Variants in CSMD1 observed in about 807,000 individuals in gnomAD.
CSMD1 encodes CUB and sushi domain-containing protein 1.
Under a neutral mutation model 417.5 loss-of-function variants are expected in CSMD1, and 213 were observed. The observed-to-expected ratio is 0.51, with a 90% CI of 0.46 to 0.57. CSMD1 has a LOEUF of 0.57. Ranked by LOEUF, CSMD1 falls within the 20% of genes least tolerant of loss-of-function variation. The pLI, the probability that CSMD1 is intolerant of heterozygous loss-of-function variation, is 0.00. For synonymous variants in CSMD1, 2,862 were observed against 1,736.8 expected (o/e 1.65, Z -16.11); for missense variants, 6,923 against 4,529.7 (o/e 1.53, Z -15.17).
At chr8:4,793,706 C>A (rs571989739) in intron 1 of CSMD1, among the ~76,000 whole-genome samples, 37 of 152,108 alleles carry the variant, frequency 2.4e-4, no homozygotes, top group African/African-American at 8.2e-4. Flanking sequence ...AGGTTGGAGG[C>A]CAAATCTTCT....
chr8:4,922,231 C>T (rs914937806), intron 1 of CSMD1, among the ~76,000 whole-genome samples: 2 of 151,872 alleles, frequency 1.3e-5, no homozygotes, highest in African/African-American at 4.8e-5. Flanking sequence ...TTTAATGTAC[C>T]TTCAGTTCTA....
chr8:4,636,937 T>G (rs1802850932), intron 2 of CSMD1, among the ~76,000 whole-genome samples: 2 of 151,944 alleles, frequency 1.3e-5, no homozygotes. Context: ...AATGCACCAA[T>G]CAGCGCTCTA....
At chr8:3,202,571 T>C (rs892803851) in intron 31 of CSMD1, among the ~76,000 whole-genome samples, 4 of 152,218 alleles carry the variant, frequency 2.6e-5, no homozygotes, top group Admixed American at 2.6e-4. Context: ...ATTTGGTATA[T>C]ACTTACAAGC....
rs1481624203 is a variant in CSMD1 at position 4,800,807 on chromosome 8, G to T, written c.86-163249C>A. ...GGAGGTGGGTTTCGGGACCTGGGGA[G>T]GGCACCTGAGTGGTGGGTGCAGGGC... On this transcript the variant is annotated intron_variant, in intron 1 of 69. Coordinates refer to ENST00000635120, the MANE Select transcript of CSMD1 (RefSeq NM_033225.6). Among the ~76,000 whole-genome samples, 6 of 152,320 alleles carry T rather than the reference G, an allele frequency of 3.9e-5. No homozygotes were observed. The East Asian group carries it at 5.8e-4, about 15-fold the overall frequency.
intron 25 of CSMD1, among the ~76,000 whole-genome samples, chr8:3,292,250 T>G (rs1803634568): frequency 6.6e-6 from 1 of 152,222 alleles, no homozygotes; most frequent in Non-Finnish European, 1.5e-5. Context: ...CTTCCAACTA[T>G]GTGGTCAGTT....
At chr8:3,972,265 C>T (rs868685324) in intron 5 of CSMD1, among the ~76,000 whole-genome samples, 3 of 152,082 alleles carry the variant, frequency 2.0e-5, no homozygotes, top group African/African-American at 2.4e-5. Flanking sequence ...ACCTTGTGTT[C>T]ATTTTTATAA....
At chr8:4,019,977 T>C (rs756710075) in intron 4 of CSMD1, among the ~76,000 whole-genome samples, 2 of 151,664 alleles carry the variant, frequency 1.3e-5, no homozygotes, top group South Asian at 4.2e-4. Flanking sequence ...GTAGCTTACA[T>C]GAATTTCTTT....
intron 49 of CSMD1, among the ~76,000 whole-genome samples, chr8:3,086,338 G>A (rs2129005729): frequency 6.6e-6 from 1 of 152,168 alleles, no homozygotes; most frequent in South Asian, 2.1e-4. Context: ...CAGGCTGTCT[G>A]ATCAACTTCT....
At chr8:4,499,014 T>G (rs1233462894) in intron 2 of CSMD1, among the ~76,000 whole-genome samples, 1 of 152,170 alleles carries the variant, frequency 6.6e-6, no homozygotes, top group Non-Finnish European at 1.5e-5. Context: ...TTCTAATTAA[T>G]TACCCAGGCA....
At chr8:4,668,424 T>TATC (rs1805078960) in intron 1 of CSMD1, among the ~76,000 whole-genome samples, 1 of 137,572 alleles carries the variant, frequency 7.3e-6, no homozygotes, top group Non-Finnish European at 1.5e-5. Flanking sequence ...CCATTATTAT[T>TATC]ATTATTATTA....
intron 5 of CSMD1, among the ~76,000 whole-genome samples, chr8:3,866,578 C>T (rs1585112580): frequency 6.6e-6 from 1 of 151,974 alleles, no homozygotes; most frequent in East Asian, 1.9e-4. Flanking sequence ...ATGACACTAG[C>T]CACTGAAAAC....
chr8:4,776,286 G>C (rs527508921), intron 1 of CSMD1, among the ~76,000 whole-genome samples: 29 of 152,220 alleles, frequency 1.9e-4, no homozygotes, highest in African/African-American at 7.0e-4. Context: ...TAAACTAGCA[G>C]CATGTATATA....
intron 2 of CSMD1, among the ~76,000 whole-genome samples, chr8:4,593,800 G>C (rs375596535): frequency 1.3e-5 from 2 of 152,192 alleles, no homozygotes; most frequent in South Asian, 2.1e-4. Context: ...TAAAGTTAAA[G>C]AACTTTATCA....
chr8:3,936,441 G>T (rs1029494713), intron 5 of CSMD1, among the ~76,000 whole-genome samples: 1 of 152,072 alleles, frequency 6.6e-6, no homozygotes, highest in Non-Finnish European at 1.5e-5. Context: ...CTCTTCTTAG[G>T]GGCTAATGCA....
chr8:3,142,431 G>C (rs777706650), intron 41 of CSMD1, 34 bp downstream of exon 41: 9 of 1,527,376 alleles, frequency 5.9e-6, no homozygotes, highest in Non-Finnish European at 8.1e-6. Flanking sequence ...AGTGTATTTA[G>C]ATTTGGGTTT....
chr8:4,645,245 A>G (rs1458292810), intron 1 of CSMD1, among the ~76,000 whole-genome samples: 2 of 152,054 alleles, frequency 1.3e-5, no homozygotes, highest in Non-Finnish European at 2.9e-5. Context: ...GGCTGCCATG[A>G]GTCAGAACTG....
intron 3 of CSMD1, among the ~76,000 whole-genome samples, chr8:4,360,206 A>G (rs1472002395): frequency 6.6e-6 from 1 of 152,116 alleles, no homozygotes; most frequent in East Asian, 1.9e-4. Context: ...ATTTGTCACC[A>G]TTTTAGGGGG....
chr8:3,182,170 C>G (rs980914287), intron 36 of CSMD1, among the ~76,000 whole-genome samples: 3 of 152,180 alleles, frequency 2.0e-5, no homozygotes, highest in South Asian at 2.1e-4. Flanking sequence ...GATAATTATT[C>G]CAAACAGATG....
At chr8:4,307,722 T>A (rs1009556791) in intron 3 of CSMD1, among the ~76,000 whole-genome samples, 1 of 152,034 alleles carries the variant, frequency 6.6e-6, no homozygotes, top group Admixed American at 6.6e-5. Flanking sequence ...TGACCATGAG[T>A]GGGAATGAAT....
Sources: gnomAD v4.1 joint callset for allele counts (sites outside exome capture counted in the v4.1 genomes callset) on GRCh38, gnomAD v4.1.1 for gene constraint, MANE v1.5 for transcripts, NCBI Gene and HGNC (gene_info 2026-07-23, HGNC 2026-07-21) for gene names.